MACROD2: variants seen among roughly 807,000 people sequenced by gnomAD.
MACROD2 encodes the protein mono-ADP ribosylhydrolase 2, also known as ADP-ribose glycohydrolase MACROD2.
Under a neutral mutation model 70.4 loss-of-function variants are expected in MACROD2, and 36 were observed. The ratio of observed to expected loss-of-function variants is 0.51; its 90% confidence interval spans 0.39 to 0.68. The LOEUF is 0.68. MACROD2 is among the 30% of genes least tolerant of loss of function. MACROD2 has a pLI of 0.00. For missense variants in MACROD2, 496 were observed against 538.4 expected (o/e 0.92, Z 0.78); for synonymous variants, 172 against 178.8 (o/e 0.96, Z 0.30).
rs11355926 is a variant in MACROD2 at position 14,056,829 on chromosome 20, CTTTT to C, written c.164-28784_164-28781del. Among the ~76,000 whole-genome samples, 768 of 146,620 alleles carry C rather than the reference CTTTT, an allele frequency of 5.2e-3. 10 individuals carry two copies. Among genetic ancestry groups the C allele is most frequent in the Admixed American group, 0.01 (148 of 14,648 alleles). The stretch of plus-strand genomic sequence containing the variant: ...CAGTTTTATATATTTATTCAGATCT[CTTTT>C]TTTTTTTATGTGCTTCAGCTATCAT... On this transcript the variant is annotated intron_variant, in intron 2 of 17. Transcript: ENST00000684519.
intron 8 of MACROD2, among the ~76,000 whole-genome samples, chr20:15,771,948 A>G (rs8120355): frequency 0.32 from 47,575 of 149,838 alleles, 8,449 homozygotes; most frequent in East Asian, 0.52. Flanking sequence ...AGCCGGGCGT[A>G]GTGGCGGGCA....
intron 5 of MACROD2, among the ~76,000 whole-genome samples, chr20:15,193,424 C>T (rs1288936761): frequency 2.0e-5 from 3 of 152,042 alleles, no homozygotes; most frequent in Admixed American, 6.6e-5. Flanking sequence ...GGGAGGATGA[C>T]GTGAGGCCAG....
At chr20:14,558,203 A>G (rs1351834927) in intron 4 of MACROD2, among the ~76,000 whole-genome samples, 2 of 151,886 alleles carry the variant, frequency 1.3e-5, no homozygotes, top group African/African-American at 4.8e-5. Flanking sequence ...TGTTGGGGGA[A>G]ATAGGGAGTG....
intron 5 of MACROD2, among the ~76,000 whole-genome samples, chr20:14,727,129 A>G (rs1208607467): frequency 6.6e-6 from 1 of 152,180 alleles, no homozygotes; most frequent in Non-Finnish European, 1.5e-5. Flanking sequence ...AAAAGCATGC[A>G]GGATACCAGA....
chr20:14,807,924 C>T (rs922831538), intron 5 of MACROD2, among the ~76,000 whole-genome samples: 2 of 152,040 alleles, frequency 1.3e-5, no homozygotes, highest in African/African-American at 2.4e-5. Flanking sequence ...AACAAATCCT[C>T]TAAGAAATAT....
At chr20:15,746,579 A>G (rs867315087) in intron 8 of MACROD2, among the ~76,000 whole-genome samples, 54 of 151,588 alleles carry the variant, frequency 3.6e-4, no homozygotes, top group Middle Eastern at 6.9e-3. Flanking sequence ...AAAAAAAAAA[A>G]AAAGAAACGG....
chr20:14,936,402 C>G (rs1408430), intron 5 of MACROD2, among the ~76,000 whole-genome samples: 44,301 of 152,052 alleles, frequency 0.29, 6,767 homozygotes, highest in East Asian at 0.51. Flanking sequence ...TCCATCTGCT[C>G]TAGGTCCCAT....
At chr20:15,962,615 G>T (rs1186146405) in intron 12 of MACROD2, among the ~76,000 whole-genome samples, 1 of 152,178 alleles carries the variant, frequency 6.6e-6, no homozygotes, top group Admixed American at 6.5e-5. Flanking sequence ...AAGACTGTTA[G>T]CACACAGGGT....
intron 4 of MACROD2, among the ~76,000 whole-genome samples, chr20:14,526,715 C>T (rs1416065733): frequency 1.3e-5 from 2 of 152,032 alleles, no homozygotes; most frequent in Non-Finnish European, 2.9e-5. Context: ...GGGTGTGGCT[C>T]ACTTCTTCAG....
intron 5 of MACROD2, among the ~76,000 whole-genome samples, chr20:14,845,026 T>C (rs1364195044): frequency 6.6e-6 from 1 of 152,138 alleles, no homozygotes; most frequent in Non-Finnish European, 1.5e-5. Flanking sequence ...CATCCATCCT[T>C]GAATATCTAG....
At chr20:14,861,778 C>T (rs1346970557) in intron 5 of MACROD2, among the ~76,000 whole-genome samples, 3 of 149,630 alleles carry the variant, frequency 2.0e-5, no homozygotes, top group African/African-American at 7.4e-5. Flanking sequence ...GTGGAATGAC[C>T]TCCCGAAGGG....
At chr20:15,572,559 G>A (rs1166442637) in intron 8 of MACROD2, among the ~76,000 whole-genome samples, 1 of 152,038 alleles carries the variant, frequency 6.6e-6, no homozygotes, top group Non-Finnish European at 1.5e-5. Context: ...AGCTGAGTCT[G>A]AAAATATTTC....
intron 3 of MACROD2, among the ~76,000 whole-genome samples, chr20:14,224,785 C>T (rs1403551027): frequency 6.6e-6 from 1 of 152,090 alleles, no homozygotes; most frequent in Non-Finnish European, 1.5e-5. Context: ...GTATTTATGA[C>T]CTGCATACCA....
rs3071356 is a variant in MACROD2 at position 15,713,987 on chromosome 20, G to GCACACACACACACACA, written c.646-148728_646-148713dup. ...TGTTCTAGTAAACACACACACATATGCACACACACACACACACACACACAC... is the reference window on the plus strand; with the variant it reads ...TGTTCTAGTAAACACACACACATATGCACACACACACACACACACACACACACACACACACACACAC... On this transcript the variant is annotated intron_variant, in intron 8 of 17. Coordinates refer to ENST00000684519, the MANE Select transcript of MACROD2 (RefSeq NM_001351661.2). Among the ~76,000 whole-genome samples, 12 of 117,784 alleles carry GCACACACACACACACA rather than the reference G, an allele frequency of 1.0e-4. No individual in the cohort carries two copies. In the East Asian group the frequency reaches 1.5e-3, roughly 15 times the overall value. 77.3% of individuals were successfully genotyped at this position (117,784 alleles called of 152,430 possible). A position where few individuals can be genotyped will look rare whatever the true frequency, so the allele number is the denominator to read the frequency against.
chr20:14,006,631 G>C (rs920039888), intron 2 of MACROD2, among the ~76,000 whole-genome samples: 2 of 151,926 alleles, frequency 1.3e-5, no homozygotes, highest in Admixed American at 6.6e-5. Flanking sequence ...TGATTTGCTT[G>C]AATCAAGATC....
At chr20:15,140,529 G>C (rs1286534478) in intron 5 of MACROD2, among the ~76,000 whole-genome samples, 1 of 152,036 alleles carries the variant, frequency 6.6e-6, no homozygotes, top group African/African-American at 2.4e-5. Flanking sequence ...TATCCTTTGG[G>C]GAGGCTCATT....
intron 5 of MACROD2, among the ~76,000 whole-genome samples, chr20:14,737,135 G>A (rs1286240092): frequency 2.8e-4 from 42 of 152,044 alleles, no homozygotes; most frequent in Admixed American, 2.8e-3. Flanking sequence ...CCTGGTGTGT[G>A]TTGTTCCCCT....
At chr20:14,905,578 A>T (rs1359637629) in intron 5 of MACROD2, 1 of 152,120 alleles carries the variant, frequency 6.6e-6, no homozygotes, top group Non-Finnish European at 1.5e-5. Context: ...AAATGGATGG[A>T]ACTAAGATCC....
chr20:15,987,094 G>A lies in MACROD2; in HGVS notation c.1089G>A (p.Val363=). 2 of 1,611,470 alleles carry A rather than the reference G, an allele frequency of 1.2e-6. No individual in the cohort carries two copies. The highest frequency in any genetic ancestry group is 1.7e-6 in the Non-Finnish European group (2 of 1,179,424). Residue 363 remains valine (V), a synonymous_variant, in exon 15 of 18, where the codon GTG becomes GTA. Transcript: ENST00000684519. ...EELSSNQEDA[V]IVEQPEVIPL... is the part of the protein sequence containing the mutation. ...TTTCATCAAACCAAGAAGATGCCGT[G>A]ATTGTGGAGCAACCAGAAGTGATTC...
Sources: gnomAD v4.1 joint callset for allele counts (sites outside exome capture counted in the v4.1 genomes callset) on GRCh38, gnomAD v4.1.1 for gene constraint, MANE v1.5 for transcripts, NCBI Gene and HGNC (gene_info 2026-07-23, HGNC 2026-07-21) for gene names.